ZNF827: variants seen among roughly 807,000 people sequenced by gnomAD.
ZNF827 encodes zinc finger protein 827.
Under a neutral mutation model 102.4 loss-of-function variants are expected in ZNF827, and 13 were observed. The ratio of observed to expected loss-of-function variants is 0.13; its 90% CI spans 0.08 to 0.20. ZNF827 has a LOEUF of 0.20. ZNF827 is among the 10% of genes least tolerant of loss of function. The pLI is 1.00. For missense variants in ZNF827, 1,103 were observed against 1,344.4 expected, an observed-to-expected ratio of 0.82 and a Z score of 2.81; for synonymous variants, 523 against 536.2, an observed-to-expected ratio of 0.98 and a Z score of 0.34.
intron 7 of ZNF827, among the ~76,000 whole-genome samples, chr4:145,827,341 G>A (rs751548263): frequency 3.3e-5 from 5 of 152,196 alleles, no homozygotes; most frequent in South Asian, 4.1e-4. Context: ...GGGACCAGTC[G>A]TTTCAGTATA....
chr4:145,779,096 A>T (rs996567276), intron 9 of ZNF827, among the ~76,000 whole-genome samples: 2 of 152,216 alleles, frequency 1.3e-5, no homozygotes, highest in African/African-American at 2.4e-5. Context: ...GATGAACTCA[A>T]TACATTTTTT....
At chr4:145,851,463 A>G (rs920336257) in intron 5 of ZNF827, among the ~76,000 whole-genome samples, 2 of 152,214 alleles carry the variant, frequency 1.3e-5, no homozygotes, top group Admixed American at 6.5e-5. Context: ...GGAAAGCATG[A>G]CATGGGTGAA....
Position 145,765,196 on chromosome 4 carries a change from C to T in ZNF827, c.3053-31G>A, listed in dbSNP as rs764078464. ...AGGACCGAAGCTGGGTATAGAGGTG[C>T]ACAGGGCAGCGGGGAGAGGAGGGCA... is the stretch of plus-strand genomic sequence containing the variant. On this transcript the variant is annotated intron_variant, in intron 12 of 14. Coordinates refer to ENST00000508784, the MANE Select transcript of ZNF827 (RefSeq NM_001306215.2). This position sits in a 1 kb window ranked among gnomAD's most constrained non-coding sequence, Gnocchi z 4.7. 3 of 1,566,052 alleles carry T rather than the reference C, an allele frequency of 1.9e-6. No individual in the cohort carries two copies. Among genetic ancestry groups the T allele is most frequent in the East Asian group, 2.2e-5 (1 of 44,456 alleles).
At chr4:145,872,348 G>T (rs1748768288) in intron 4 of ZNF827, among the ~76,000 whole-genome samples, 1 of 152,154 alleles carries the variant, frequency 6.6e-6, no homozygotes, top group South Asian at 2.1e-4. Flanking sequence ...CACCAGGGAT[G>T]CACGCACACA....
At chr4:145,918,629 G>A (rs949417824) in intron 1 of ZNF827, among the ~76,000 whole-genome samples, 2 of 152,084 alleles carry the variant, frequency 1.3e-5, no homozygotes, top group African/African-American at 4.8e-5. Flanking sequence ...ATAAAATAAG[G>A]GGTTAGGATG....
At chr4:145,899,181 A>G (rs1751214407) in intron 2 of ZNF827, among the ~76,000 whole-genome samples, 1 of 152,220 alleles carries the variant, frequency 6.6e-6, no homozygotes, top group African/African-American at 2.4e-5. Context: ...AATAATGACA[A>G]ATGTTCCCAT....
At chr4:145,828,063 C>A (rs1466764243) in intron 7 of ZNF827, among the ~76,000 whole-genome samples, 1 of 152,130 alleles carries the variant, frequency 6.6e-6, no homozygotes, top group Non-Finnish European at 1.5e-5. Flanking sequence ...GAGGCAAGTT[C>A]CAGGAGGTAC....
At chr4:145,878,597 CAGGACAGGAAAGGAA>C (rs1414861677) in intron 4 of ZNF827, among the ~76,000 whole-genome samples, 109 of 111,198 alleles carry the variant, frequency 9.8e-4, no homozygotes, top group South Asian at 1.5e-3. Flanking sequence ...CAGGACAGGA[CAGGACAGGAAAGGAA>C]AGGAAAGGAA....
At chr4:145,798,047 T>C (rs1740538037) in intron 8 of ZNF827, among the ~76,000 whole-genome samples, 1 of 152,174 alleles carries the variant, frequency 6.6e-6, no homozygotes, top group Admixed American at 6.5e-5. Context: ...TTTCATGTTG[T>C]GAGGACCAAA....
intron 2 of ZNF827, among the ~76,000 whole-genome samples, chr4:145,897,935 A>G (rs530067084): frequency 7.2e-4 from 110 of 152,260 alleles, no homozygotes; most frequent in African/African-American, 2.6e-3. Flanking sequence ...AGGGTGGATC[A>G]CTTGAGGCCA....
rs530645168 is a variant in ZNF827 at position 145,857,945 on chromosome 4, T to C, written c.1982-8384A>G. ...CAGAATATACTTTTCCTGTCTCATA[T>C]TAAAAAGGCAGAAAAAAGAAAAAAA... On this transcript the variant is annotated intron_variant, in intron 5 of 14. Coordinates refer to ENST00000508784, the MANE Select transcript of ZNF827 (RefSeq NM_001306215.2). Among the ~76,000 whole-genome samples, 21 of 152,330 alleles carry C rather than the reference T, an allele frequency of 1.4e-4. No homozygotes were observed. The South Asian group carries it at 4.1e-3, about 30-fold the overall frequency.
At position 145,902,248 on chromosome 4, in the gene ZNF827, TGGTGGAGGTGGC is replaced by T. The variant is rs761894815; in HGVS notation, c.999_1010del (p.Pro340_Pro343del). ...GGGATTGTGGTGGTGGTGGTGGAGGTGGTGGAGGTGGCGGTGGAGGTGGCGGAGTGACTTTTT... is the reference window on the plus strand; with the variant it reads ...GGGATTGTGGTGGTGGTGGTGGAGGTGGTGGAGGTGGCGGAGTGACTTTTT... On this transcript the variant is annotated inframe_deletion, in exon 2 of 15. Transcript: ENST00000508784. The surrounding 1 kb of genome is among the most constrained non-coding windows in gnomAD (Gnocchi z 4.3). 2.1e-4 allele frequency: 328 copies of T among 1,541,672 alleles called. 1 individual carries two copies. The highest frequency in any genetic ancestry group is 7.8e-4 in the African/African-American group (56 of 72,116).
intron 1 of ZNF827, among the ~76,000 whole-genome samples, chr4:145,929,469 C>T (rs937186115): frequency 1.3e-5 from 2 of 152,150 alleles, no homozygotes; most frequent in Admixed American, 6.5e-5. Context: ...ATGATTATTA[C>T]ACAACTTAGA....
At chr4:145,837,866 C>G (rs1048124221) in intron 7 of ZNF827, among the ~76,000 whole-genome samples, 10 of 151,828 alleles carry the variant, frequency 6.6e-5, no homozygotes, top group African/African-American at 2.4e-4. Context: ...ACAATATCAC[C>G]CCTTACAAGA....
In ZNF827 at chr4:145,760,175, T is replaced by G. The variant is rs1033194606; in HGVS notation, c.*1441A>C. 2.0e-5 allele frequency: 3 copies of G among 152,198 alleles called. No homozygotes were observed. The highest frequency in any genetic ancestry group is 7.2e-5 in the African/African-American group (3 of 41,436). The allele number at this position is 152,198 out of a possible 1,614,324, so 9.4% of individuals were successfully genotyped here. The stretch of plus-strand genomic sequence containing the variant: ...GACTAAGCACCAGGCCCTACCACTC[T>G]GTAGCCATCAAAGAGAGAGGGAAAG... On this transcript the variant is annotated 3_prime_UTR_variant, in exon 15 of 15. Transcript: ENST00000508784.
At chr4:145,885,617 A>G (rs1388953784) in intron 4 of ZNF827, 61 bp downstream of exon 4, 1 of 390,880 alleles carries the variant, frequency 2.6e-6, no homozygotes, top group South Asian at 8.5e-5. Context: ...AGACAGAGAG[A>G]GAGAGAGAGA....
At chr4:145,774,712 G>A in intron 10 of ZNF827, 40 bp from the exon 11 acceptor site, 1 of 1,596,112 alleles carries the variant, frequency 6.3e-7, no homozygotes, top group East Asian at 2.2e-5. Context: ...GAGAGAAAAG[G>A]GTGACACATA....
chr4:145,826,678 G>A (rs1280883132), intron 7 of ZNF827, among the ~76,000 whole-genome samples: 1 of 152,194 alleles, frequency 6.6e-6, no homozygotes, highest in African/African-American at 2.4e-5. Flanking sequence ...TTTACCATAT[G>A]TATGCATAGG....
intron 11 of ZNF827, among the ~76,000 whole-genome samples, chr4:145,770,297 TTAAAATAAATAAA>T (rs1032827859): frequency 1.4e-5 from 2 of 141,096 alleles, no homozygotes; most frequent in African/African-American, 5.4e-5. Context: ...AGACCCTGTC[TTAAAATAAATAAA>T]TAAATAAATA....
Sources: allele counts gnomAD v4.1 joint callset (sites outside exome capture counted in the v4.1 genomes callset), GRCh38; gene constraint gnomAD v4.1.1; non-coding constraint Gnocchi (gnomAD v3.1); transcripts MANE v1.5; gene names NCBI Gene and HGNC (gene_info 2026-07-23, HGNC 2026-07-21).